CDC20B: variants seen among roughly 807,000 people sequenced by gnomAD.
CDC20B encodes cell division cycle protein 20 homolog B.
Under a neutral mutation model 64.1 loss-of-function variants are expected in CDC20B, and 58 were observed. That is an observed-to-expected ratio of 0.90 (90% CI 0.73 to 1.13). CDC20B has a LOEUF of 1.13. Among genes scored for constraint, CDC20B ranks in the 50% most tolerant of loss-of-function variants. The pLI, the probability that CDC20B is intolerant of heterozygous loss-of-function variation, is 0.00. For synonymous variants in CDC20B, 243 were observed against 230.6 expected (o/e 1.05, Z -0.49); for missense variants, 597 against 633.0 (o/e 0.94, Z 0.61).
intron 2 of CDC20B, among the ~76,000 whole-genome samples, chr5:55,154,144 G>A (rs897882193): frequency 1.3e-5 from 2 of 152,164 alleles, no homozygotes; most frequent in African/African-American, 4.8e-5. Flanking sequence ...AGTGACAGGG[G>A]TCAAGGTAAA....
intron 8 of CDC20B, among the ~76,000 whole-genome samples, chr5:55,126,926 G>A (rs888566777): frequency 2.0e-5 from 3 of 152,178 alleles, no homozygotes; most frequent in Admixed American, 6.5e-5. Flanking sequence ...GATACTGACA[G>A]CAATAAATAC....
chr5:55,148,654 C>A (rs572365529), intron 2 of CDC20B, among the ~76,000 whole-genome samples: 1 of 152,088 alleles, frequency 6.6e-6, no homozygotes, highest in Non-Finnish European at 1.5e-5. Flanking sequence ...GCCGCATTGG[C>A]GCTGCTGCAC....
At chr5:55,162,090 C>CAAAAAAAAA (rs34286995) in intron 2 of CDC20B, among the ~76,000 whole-genome samples, 1 of 90,730 alleles carries the variant, frequency 1.1e-5, no homozygotes, top group Non-Finnish European at 2.2e-5. Context: ...CCATATTAGT[C>CAAAAAAAAA]AAAAAAAAAA....
intron 2 of CDC20B, among the ~76,000 whole-genome samples, chr5:55,153,487 T>G (rs77030260): frequency 2.0e-5 from 3 of 152,114 alleles, no homozygotes; most frequent in African/African-American, 7.2e-5. Context: ...CCCTGATAGA[T>G]ATATGTATTA....
chr5:55,125,609 G>A (rs1742866348), intron 8 of CDC20B, among the ~76,000 whole-genome samples: 1 of 152,186 alleles, frequency 6.6e-6, no homozygotes, highest in South Asian at 2.1e-4. Context: ...AGTGGATAAT[G>A]TCTCCATTCA....
intron 2 of CDC20B, among the ~76,000 whole-genome samples, chr5:55,147,729 A>G (rs1223434799): frequency 2.0e-5 from 3 of 152,128 alleles, no homozygotes; most frequent in African/African-American, 7.2e-5. Flanking sequence ...GGGAGTAATT[A>G]CATTTATAAA....
intron 6 of CDC20B, among the ~76,000 whole-genome samples, chr5:55,129,749 A>G (rs1275917079): frequency 6.6e-6 from 1 of 152,260 alleles, no homozygotes; most frequent in Non-Finnish European, 1.5e-5. Flanking sequence ...TATGAGATAC[A>G]GACCCAAACC....
chr5:55,156,948 C>T (rs1743826420), intron 2 of CDC20B, among the ~76,000 whole-genome samples: 2 of 152,164 alleles, frequency 1.3e-5, no homozygotes, highest in Non-Finnish European at 2.9e-5. Context: ...GTAATCCTTC[C>T]GTTTCTTGTG....
rs1424167040 is a variant in CDC20B at position 55,173,016 on chromosome 5, C to T, written c.-16G>A. The T allele has an allele frequency of 3.7e-6, 6 of 1,606,374 alleles. No individual in the cohort carries two copies. The South Asian group carries it at 6.7e-5, about 18-fold the overall frequency. ...TCCACTCCATCTCCGGCTGACTTCGCCCTGCCTGGCGTTTGGCCTCTCTGC... is the reference window on the plus strand; with the variant it reads ...TCCACTCCATCTCCGGCTGACTTCGTCCTGCCTGGCGTTTGGCCTCTCTGC... On this transcript the variant is annotated 5_prime_UTR_variant, in exon 1 of 12. Transcript: ENST00000381375.
At chr5:55,168,066 T>A in intron 2 of CDC20B, among the ~76,000 whole-genome samples, 1 of 151,908 alleles carries the variant, frequency 6.6e-6, no homozygotes, top group Non-Finnish European at 1.5e-5. Flanking sequence ...ACTCTATCCA[T>A]ATTTAGTCCT....
intron 2 of CDC20B, among the ~76,000 whole-genome samples, chr5:55,167,492 A>G (rs553610020): frequency 3.5e-4 from 54 of 152,282 alleles, no homozygotes; most frequent in Middle Eastern, 3.4e-3. Flanking sequence ...AGCTCAATGT[A>G]AATGCTCATG....
intron 2 of CDC20B, among the ~76,000 whole-genome samples, chr5:55,168,136 A>G (rs1170306051): frequency 8.6e-5 from 13 of 151,974 alleles, no homozygotes. Context: ...CCTAGAAACT[A>G]ATCCACCACA....
chr5:55,160,136 G>C, intron 2 of CDC20B: 1 of 1,366,044 alleles, frequency 7.3e-7, no homozygotes, highest in South Asian at 1.2e-5. Flanking sequence ...CCGGTTTCAA[G>C]TTTCAGCTCC....
intron 7 of CDC20B, among the ~76,000 whole-genome samples, chr5:55,128,109 C>A (rs1446740947): frequency 6.6e-6 from 1 of 152,062 alleles, no homozygotes; most frequent in Non-Finnish European, 1.5e-5. Flanking sequence ...AAAAGGAGAA[C>A]TGAAAGTATC....
intron 2 of CDC20B, chr5:55,161,175 A>G: frequency 6.2e-7 from 1 of 1,614,156 alleles, no homozygotes; most frequent in Admixed American, 1.7e-5. Context: ...GCAAGAAAAA[A>G]CTACGGAGTA....
chr5:55,160,455 C>T, intron 2 of CDC20B: 1 of 1,396,444 alleles, frequency 7.2e-7, no homozygotes, highest in Admixed American at 1.9e-5. Context: ...GTTTATTCCT[C>T]TTAATAAAAT....
rs145074910 is a variant in CDC20B at position 55,140,374 on chromosome 5, C to T, written c.520G>A (p.Val174Met). ...ATTTTTCCATTAGCCTGCTGAACCA[C>T]GTTCTGGGTTACAAAGAGTTGTTTT... Reference protein sequence around the residue: ...CLKQLFVTQNVVQQANGKMQL... With the variant: ...CLKQLFVTQNMVQQANGKMQL... The change falls in exon 5 of 12, where the codon GTG becomes ATG. Residue 174 changes from valine to methionine, a missense_variant. Transcript: ENST00000381375. The T allele has an allele frequency of 5.0e-6, 8 of 1,613,234 alleles. No homozygotes were observed. In the African/African-American group the frequency reaches 5.3e-5, roughly 11 times the overall value.
chr5:55,125,159 C>A (rs935882331), intron 8 of CDC20B, 131 bp from the exon 9 acceptor site: 2 of 651,982 alleles, frequency 3.1e-6, no homozygotes, highest in Admixed American at 5.5e-5. Context: ...GGTGGAGATT[C>A]CTTGGGTTAA....
chr5:55,165,845 TA>T (rs1744354715), intron 2 of CDC20B: 1 of 152,194 alleles, frequency 6.6e-6, no homozygotes, highest in Non-Finnish European at 1.5e-5. Flanking sequence ...TTGAATGGAA[TA>T]AAAAGCCCTT....
Sources: allele counts gnomAD v4.1 joint callset (sites outside exome capture counted in the v4.1 genomes callset), GRCh38; gene constraint gnomAD v4.1.1; transcripts MANE v1.5; gene names NCBI Gene and HGNC (gene_info 2026-07-23, HGNC 2026-07-21).